Variants in EIF2B3 observed in about 807,000 individuals in gnomAD.
EIF2B3 encodes the protein translation initiation factor eIF2B subunit gamma.
In EIF2B3, 20 loss-of-function variants were observed where a neutral mutation model predicts 54.1. The ratio of observed to expected loss-of-function variants is 0.37; its 90% confidence interval spans 0.26 to 0.54. The LOEUF (loss-of-function observed/expected upper bound fraction) is 0.54, where lower values mean the gene tolerates loss of function less well. EIF2B3 is among the 20% of genes least tolerant of loss of function. The probability of loss-of-function intolerance (pLI) is 0.86; values close to 1 mark genes in which losing one functional copy is unlikely to be tolerated. For synonymous variants in EIF2B3, 153 were observed against 188.1 expected (o/e 0.81, Z 1.52); for missense variants, 448 against 547.8 (o/e 0.82, Z 1.82).
intron 3 of EIF2B3, among the ~76,000 whole-genome samples, chr1:44,951,034 T>C (rs1644155234): frequency 6.6e-6 from 1 of 152,200 alleles, no homozygotes; most frequent in Non-Finnish European, 1.5e-5. Flanking sequence ...TTCTTATCTC[T>C]GTTTTTTAAA....
intron 5 of EIF2B3, among the ~76,000 whole-genome samples, chr1:44,907,751 T>C (rs981047303): frequency 1.2e-4 from 18 of 150,770 alleles, no homozygotes; most frequent in Admixed American, 9.9e-4. Context: ...AAATACAAAA[T>C]TAGCCGGGCA....
intron 5 of EIF2B3, among the ~76,000 whole-genome samples, chr1:44,918,534 T>C (rs185491257): frequency 1.1e-4 from 17 of 152,078 alleles, no homozygotes; most frequent in Non-Finnish European, 2.5e-4. Context: ...GGATTACCAG[T>C]GCACACCACC....
intron 4 of EIF2B3, among the ~76,000 whole-genome samples, chr1:44,930,581 T>C (rs1264183516): frequency 6.6e-6 from 1 of 152,230 alleles, no homozygotes; most frequent in Non-Finnish European, 1.5e-5. Flanking sequence ...ACCCCCTGGA[T>C]GGTAAGAGAC....
chr1:44,888,141 C>G (rs1655661209), intron 6 of EIF2B3, among the ~76,000 whole-genome samples: 1 of 152,182 alleles, frequency 6.6e-6, no homozygotes, highest in Non-Finnish European at 1.5e-5. Context: ...CAGGGCCCAA[C>G]TGGGGGCAAG....
At chr1:44,909,616 T>G (rs537927504) in intron 5 of EIF2B3, among the ~76,000 whole-genome samples, 46 of 152,316 alleles carry the variant, frequency 3.0e-4, no homozygotes, top group African/African-American at 1.1e-3. Context: ...TTAAAGATAT[T>G]GACATGGGTT....
At chr1:44,964,318 G>C (rs1375158921) in intron 3 of EIF2B3, among the ~76,000 whole-genome samples, 1 of 152,118 alleles carries the variant, frequency 6.6e-6, no homozygotes, top group Non-Finnish European at 1.5e-5. Context: ...AAGTCTTTAA[G>C]CAAGTTGGGA....
chr1:44,928,168 G>C (rs572119419), intron 4 of EIF2B3, among the ~76,000 whole-genome samples: 6 of 151,114 alleles, frequency 4.0e-5, no homozygotes, highest in Non-Finnish European at 8.8e-5. Context: ...AAATAGGCCG[G>C]GCATGGTGGC....
At chr1:44,912,712 T>C (rs1006028414) in intron 5 of EIF2B3, among the ~76,000 whole-genome samples, 61 of 152,204 alleles carry the variant, frequency 4.0e-4, no homozygotes, top group African/African-American at 1.3e-3. Flanking sequence ...ATACCTCCTT[T>C]GAATTCTTAG....
intron 11 of EIF2B3, among the ~76,000 whole-genome samples, chr1:44,853,218 G>C (rs1654329404): frequency 6.6e-6 from 1 of 152,082 alleles, no homozygotes; most frequent in Non-Finnish European, 1.5e-5. Flanking sequence ...GCCTGGAAGG[G>C]GCAGGGGGAG....
At chr1:44,980,476 C>CA (rs879512331) in intron 2 of EIF2B3, among the ~76,000 whole-genome samples, 146 of 145,550 alleles carry the variant, frequency 1.0e-3, no homozygotes, top group East Asian at 5.8e-3. Flanking sequence ...GACTCTGTCT[C>CA]AAAAAAAAAA....
At position 44,939,101 on chromosome 1, in the gene EIF2B3, C is replaced by CAAAAAAAAAA. The variant is rs35410499; in HGVS notation, c.454+2395_454+2404dup. 3.8e-3 allele frequency among the ~76,000 whole-genome samples: 209 copies of CAAAAAAAAAA among 55,106 alleles called. 2 individuals carry two copies. The highest frequency in any genetic ancestry group is 5.0e-3 in the Non-Finnish European group (143 of 28,676). 36.2% of individuals were successfully genotyped at this position (55,106 alleles called of 152,430 possible). A position where few individuals can be genotyped will look rare whatever the true frequency, so the allele number is the denominator to read the frequency against. ...TCGGCAACAGAGTAAGACCCTGTCT[C>CAAAAAAAAAA]AAAAAAAAAAAAAAAAAAAAAAAAA... On this transcript the variant is annotated intron_variant, in intron 4 of 11. Transcript: ENST00000360403.
intron 1 of EIF2B3, among the ~76,000 whole-genome samples, chr1:44,983,723 T>C (rs897404392): frequency 2.0e-5 from 3 of 152,032 alleles, no homozygotes; most frequent in African/African-American, 7.2e-5. Context: ...AAAAAATTTT[T>C]TTTTTTGAAA....
At chr1:44,970,373 G>A (rs746373058) in intron 3 of EIF2B3, among the ~76,000 whole-genome samples, 2 of 152,238 alleles carry the variant, frequency 1.3e-5, no homozygotes, top group South Asian at 2.1e-4. Flanking sequence ...AGTCAAACAC[G>A]AAGACCTCAC....
intron 5 of EIF2B3, among the ~76,000 whole-genome samples, chr1:44,917,237 T>C (rs12117191): frequency 0.22 from 33,680 of 152,078 alleles, 4,052 homozygotes; most frequent in Admixed American, 0.32. Context: ...CTCACACCTG[T>C]AATCCCAGCA....
chr1:44,864,659 A>C (rs959775576), intron 10 of EIF2B3, among the ~76,000 whole-genome samples: 3 of 152,188 alleles, frequency 2.0e-5, no homozygotes, highest in African/African-American at 7.2e-5. Flanking sequence ...ACCTTAAACT[A>C]TCCATTTTCA....
At chr1:44,890,437 TAAATA>T (rs1569633700) in intron 6 of EIF2B3, among the ~76,000 whole-genome samples, 1 of 103,080 alleles carries the variant, frequency 9.7e-6, no homozygotes, top group East Asian at 3.6e-4. Flanking sequence ...AATAAGCACT[TAAATA>T]AAATATTTTG....
Position 44,850,796 on chromosome 1 carries a change from C to G in EIF2B3, c.*155G>C. 1.3e-6 allele frequency: 1 copy of G among 767,866 alleles called. No homozygotes were observed. Among genetic ancestry groups the G allele is most frequent in the African/African-American group, 1.7e-5 (1 of 57,734 alleles). 47.6% of individuals were successfully genotyped at this position (767,866 alleles called of 1,614,324 possible). A position where few individuals can be genotyped will look rare whatever the true frequency, so the allele number is the denominator to read the frequency against. On this transcript the variant is annotated 3_prime_UTR_variant, in exon 12 of 12. Coordinates refer to ENST00000360403, the MANE Select transcript of EIF2B3 (RefSeq NM_020365.5). ...GAACATACACTGTGTACACCTGGAG[C>G]CCACCTGACATGGAGCTTTGGACTG...
intron 7 of EIF2B3, among the ~76,000 whole-genome samples, chr1:44,880,679 C>T (rs1655362355): frequency 1.3e-5 from 2 of 152,148 alleles, no homozygotes. Flanking sequence ...AGACACAATG[C>T]TGGCCGGGCA....
chr1:44,964,692 T>C (rs150537202), intron 3 of EIF2B3, among the ~76,000 whole-genome samples: 3 of 152,332 alleles, frequency 2.0e-5, no homozygotes, highest in African/African-American at 7.2e-5. Context: ...GGTATTATTA[T>C]CCCTACTTTC....
Sources: gnomAD v4.1 joint callset for allele counts (sites outside exome capture counted in the v4.1 genomes callset) on GRCh38, gnomAD v4.1.1 for gene constraint, MANE v1.5 for transcripts, NCBI Gene and HGNC (gene_info 2026-07-23, HGNC 2026-07-21) for gene names.